SLC6A16: variants seen among roughly 807,000 people sequenced by gnomAD.
SLC6A16 encodes solute carrier family 6 member 16, also known as orphan sodium- and chloride-dependent neurotransmitter transporter NTT5.
A neutral mutation model predicts 65.4 loss-of-function variants in SLC6A16; 54 were observed. The ratio of observed to expected loss-of-function variants is 0.83; its 90% CI spans 0.66 to 1.04. SLC6A16 has a LOEUF of 1.04. Ranked by LOEUF, SLC6A16 falls within the 50% of genes least tolerant of loss-of-function variation. The pLI is 0.00. For missense variants in SLC6A16, 816 were observed against 914.0 expected, an observed-to-expected ratio of 0.89 and a Z score of 1.38; for synonymous variants, 330 against 346.5, an observed-to-expected ratio of 0.95 and a Z score of 0.53.
chr19:49,318,492 CATA>C (rs767012867), intron 1 of SLC6A16, among the ~76,000 whole-genome samples: 5 of 152,106 alleles, frequency 3.3e-5, no homozygotes, highest in African/African-American at 4.8e-5. Context: ...ACAAAAAATT[CATA>C]ATGTCAACCA....
At chr19:49,337,927 G>A in the SLC6A16 span, 1 of 1,614,054 alleles carries the variant, frequency 6.2e-7, no homozygotes, top group East Asian at 2.2e-5. Flanking sequence ...CCTCTCAGCT[G>A]GAGCGAAGCT....
At chr19:49,317,648 TAC>T (rs1970635985) in intron 1 of SLC6A16, among the ~76,000 whole-genome samples, 1 of 151,198 alleles carries the variant, frequency 6.6e-6, no homozygotes. Flanking sequence ...CTACTAAAAA[TAC>T]AAAAAATTAG....
chr19:49,310,152 G>A lies in SLC6A16; in HGVS notation c.588C>T (p.Leu196=), dbSNP rs778849451. ...AATTGACCACATTGAAGTACAGGCC[G>A]AGGATGAAGCACACCTGGGGGCCAA... ...GYSSFMVCFI[L]GLYFNVVNSW... Residue 196 remains leucine, a synonymous_variant, in exon 4 of 12, where the codon CTC becomes CTT. Transcript: ENST00000335875. The A allele has an allele frequency of 1.3e-5, 21 of 1,613,932 alleles. No homozygotes were observed. The East Asian group carries it at 1.8e-4, about 14-fold the overall frequency.
intron 7 of SLC6A16, among the ~76,000 whole-genome samples, chr19:49,304,550 G>A (rs192690712): frequency 1.3e-5 from 2 of 152,292 alleles, no homozygotes; most frequent in African/African-American, 4.8e-5. Context: ...CGGATCACCT[G>A]AGGTCGAAAG....
intron 9 of SLC6A16, 75 bp from the exon 10 acceptor site, chr19:49,293,457 C>A: frequency 6.8e-7 from 1 of 1,464,654 alleles, no homozygotes. Flanking sequence ...AGGCCATAGA[C>A]CAGGGCTGGT....
chr19:49,304,755 T>G (rs146034897), intron 7 of SLC6A16, among the ~76,000 whole-genome samples: 3 of 152,334 alleles, frequency 2.0e-5, no homozygotes, highest in Non-Finnish European at 2.9e-5. Flanking sequence ...GGAAAATGAC[T>G]ACATATCCAG....
At chr19:49,295,786 C>T (rs542867731) in intron 7 of SLC6A16, among the ~76,000 whole-genome samples, 1 of 152,134 alleles carries the variant, frequency 6.6e-6, no homozygotes, top group Non-Finnish European at 1.5e-5. Flanking sequence ...AGATATAAAA[C>T]ACCAGAGCCT....
intron 1 of SLC6A16, among the ~76,000 whole-genome samples, chr19:49,314,425 A>ATG (rs1353187829): frequency 6.6e-6 from 1 of 152,212 alleles, no homozygotes; most frequent in Non-Finnish European, 1.5e-5. Context: ...CACATGAAAT[A>ATG]TGTACAGTTT....
At chr19:49,339,792 C>G in the SLC6A16 span, 3 of 1,359,640 alleles carry the variant, frequency 2.2e-6, no homozygotes, top group South Asian at 5.0e-5. The surrounding 1 kb of genome is among the most constrained non-coding windows in gnomAD (Gnocchi z 4.5). Context: ...GGCACAGCGG[C>G]AGTCTGTGGG....
intron 11 of SLC6A16, 77 bp from the exon 12 acceptor site, chr19:49,290,469 G>C (rs917746002): frequency 1.3e-6 from 2 of 1,570,346 alleles, no homozygotes; most frequent in African/African-American, 1.4e-5. Context: ...GGGAAGGATG[G>C]GTGGGGAACC....
At chr19:49,312,458 T>C in intron 1 of SLC6A16, 1 of 570,210 alleles carries the variant, frequency 1.8e-6, no homozygotes, top group Non-Finnish European at 2.2e-6. Context: ...TGTTAATTTA[T>C]TCATTGTCCA....
chr19:49,334,803 G>T, the SLC6A16 span, among the ~76,000 whole-genome samples: 16 of 152,232 alleles, frequency 1.1e-4, no homozygotes, highest in East Asian at 3.1e-3. Context: ...AGAGGTGGGA[G>T]GATAGCTTGA....
At chr19:49,298,535 T>C (rs1376890455) in intron 7 of SLC6A16, among the ~76,000 whole-genome samples, 2 of 152,090 alleles carry the variant, frequency 1.3e-5, no homozygotes, top group African/African-American at 4.8e-5. Context: ...AGAATGGCTA[T>C]TAAAAAGACA....
At chr19:49,306,547 CTT>C (rs1174068777) in intron 7 of SLC6A16, among the ~76,000 whole-genome samples, 7 of 114,872 alleles carry the variant, frequency 6.1e-5, no homozygotes, top group Non-Finnish European at 9.4e-5. Context: ...TTTTTTTTTT[CTT>C]TTTTTTTTTT....
intron 1 of SLC6A16, among the ~76,000 whole-genome samples, chr19:49,316,295 GC>G (rs1970612244): frequency 6.6e-6 from 1 of 151,986 alleles, no homozygotes; most frequent in South Asian, 2.1e-4. Context: ...TAGATTGCAA[GC>G]CCAAAATCCA....
At chr19:49,332,295 G>A in the SLC6A16 span, 13 of 456,518 alleles carry the variant, frequency 2.8e-5, no homozygotes, top group African/African-American at 6.0e-5. Context: ...GGTGGCTCAC[G>A]CCTGTAATCC....
chr19:49,316,793 G>A (rs1313166856), intron 1 of SLC6A16, among the ~76,000 whole-genome samples: 1 of 151,588 alleles, frequency 6.6e-6, no homozygotes, highest in African/African-American at 2.4e-5. Context: ...GCCAAGGCAG[G>A]AGGATCACTT....
intron 1 of SLC6A16, among the ~76,000 whole-genome samples, chr19:49,317,333 C>G (rs1051420074): frequency 6.7e-6 from 1 of 149,316 alleles, no homozygotes; most frequent in East Asian, 2.0e-4. Context: ...AGAGTAAGAC[C>G]CTATCTCAAA....
chr19:49,315,513 C>T (rs866802601), intron 1 of SLC6A16, among the ~76,000 whole-genome samples: 16 of 152,258 alleles, frequency 1.1e-4, no homozygotes, highest in Admixed American at 7.2e-4. Context: ...GCCTTTGGGG[C>T]TGGTCATGGT....
Sources: gnomAD v4.1 joint callset for allele counts (sites outside exome capture counted in the v4.1 genomes callset) on GRCh38, gnomAD v4.1.1 for gene constraint, Gnocchi (gnomAD v3.1) non-coding constraint, MANE v1.5 for transcripts, NCBI Gene and HGNC (gene_info 2026-07-23, HGNC 2026-07-21) for gene names.